NTN1: variants seen among roughly 807,000 people sequenced by gnomAD.
The protein encoded by NTN1 is netrin-1.
NTN1 carries 11 observed loss-of-function variants against 54.2 expected under a neutral mutation model. That is an observed-to-expected ratio of 0.20 (90% CI 0.13 to 0.34). The LOEUF is 0.34. NTN1 is among the 10% of genes least tolerant of loss of function. The pLI is 1.00. For missense variants in NTN1, 740 were observed against 893.1 expected (o/e 0.83, Z 2.18); for synonymous variants, 371 against 382.0 (o/e 0.97, Z 0.33).
intron 4 of NTN1, among the ~76,000 whole-genome samples, chr17:9,182,322 C>T (rs945311013): frequency 6.6e-6 from 1 of 152,246 alleles, no homozygotes; most frequent in Non-Finnish European, 1.5e-5. Flanking sequence ...AAAACGATCA[C>T]ATGCTTTTAT....
chr17:9,183,450 T>A, intron 5 of NTN1: 1 of 395,082 alleles, frequency 2.5e-6, no homozygotes, highest in South Asian at 2.0e-5. Flanking sequence ...AATTTAGCAT[T>A]TCCTCCATGG....
chr17:9,025,616 T>C (rs2091867693), intron 2 of NTN1, among the ~76,000 whole-genome samples: 1 of 152,264 alleles, frequency 6.6e-6, no homozygotes, highest in African/African-American at 2.4e-5. Flanking sequence ...AGTTTCCTTT[T>C]TGAATAGATG....
Position 9,022,765 on chromosome 17 carries a change from A to G in NTN1, c.392A>G (p.Asn131Ser). ...QSENYLQFPHNVTLTLSLGKK... is the reference protein window; with the variant it reads ...QSENYLQFPHSVTLTLSLGKK... ...GAGAACTACCTGCAGTTCCCGCACA[A>G]CGTCACGCTCACACTGTCCCTCGGC... Residue 131 changes from asparagine (N) to serine (S), a missense_variant, in exon 2 of 7, where the codon AAC becomes AGC. Physicochemically the swap from Asn to Ser is conservative, Grantham distance 46 (BLOSUM62 1). Transcript: ENST00000173229. 6.2e-7 allele frequency: 1 copy of G among 1,610,156 alleles called. No homozygotes were observed.
chr17:9,114,164 A>T (rs4791335), intron 2 of NTN1, among the ~76,000 whole-genome samples: 31,364 of 75,936 alleles, frequency 0.41, 6,822 homozygotes, highest in East Asian at 0.7. Flanking sequence ...AAAAAAAAAA[A>T]AAATATATAT....
chr17:9,023,450 G>C, intron 2 of NTN1, 59 bp downstream of exon 2: 1 of 1,337,286 alleles, frequency 7.5e-7, no homozygotes, highest in Non-Finnish European at 9.5e-7. Flanking sequence ...GGAGCTGCTG[G>C]GCCTCGCAGC....
intron 2 of NTN1, among the ~76,000 whole-genome samples, chr17:9,086,693 G>T (rs1415422075): frequency 6.6e-6 from 1 of 152,012 alleles, no homozygotes; most frequent in Non-Finnish European, 1.5e-5. Flanking sequence ...TCATCATCAT[G>T]CTCACTGTCA....
At chr17:9,034,829 A>T (rs1276086578) in intron 2 of NTN1, among the ~76,000 whole-genome samples, 1 of 152,258 alleles carries the variant, frequency 6.6e-6, no homozygotes, top group East Asian at 1.9e-4. Flanking sequence ...ACACGCTTGT[A>T]TAACCAGCAC....
chr17:9,135,151 C>T lies in NTN1; in HGVS notation c.1019-27662C>T, dbSNP rs754146235. ...CCCTGATGCTCCCGGCCCATCCTCC[C>T]TTCTCTACCCCATTCCTTTGTCTTT... is the stretch of plus-strand genomic sequence containing the variant. On this transcript the variant is annotated intron_variant, in intron 2 of 6. Transcript: ENST00000173229. The surrounding 1 kb of genome is among the most constrained non-coding windows in gnomAD (Gnocchi z 4.4). 5.3e-5 allele frequency among the ~76,000 whole-genome samples: 8 copies of T among 152,314 alleles called. No individual in the cohort carries two copies. Among genetic ancestry groups the T allele is most frequent in the Non-Finnish European group, 1.2e-4 (8 of 68,020 alleles).
At chr17:9,056,953 C>A (rs2091981233) in intron 2 of NTN1, among the ~76,000 whole-genome samples, 1 of 152,150 alleles carries the variant, frequency 6.6e-6, no homozygotes, top group Non-Finnish European at 1.5e-5. Flanking sequence ...TGTGTGCCCC[C>A]CGTCTCGTCC....
In NTN1 at chr17:9,082,623, C is replaced by T. The variant is rs78024556; in HGVS notation, c.1018+59232C>T. Among the ~76,000 whole-genome samples the T allele has an allele frequency of 5.6e-3, 854 of 151,830 alleles. 7 individuals carry two copies. Among genetic ancestry groups the T allele is most frequent in the Non-Finnish European group, 7.1e-3 (483 of 67,984 alleles). On this transcript the variant is annotated intron_variant, in intron 2 of 6. Transcript: ENST00000173229. Reference sequence around the variant, plus strand: ...GCGCACACACACTGCCTGCTGCAGACGCCGGGCCGGGGGCTTCACAGAGAG... The same window carrying T: ...GCGCACACACACTGCCTGCTGCAGATGCCGGGCCGGGGGCTTCACAGAGAG...
At chr17:9,073,114 T>G (rs1388319036) in intron 2 of NTN1, among the ~76,000 whole-genome samples, 1 of 152,210 alleles carries the variant, frequency 6.6e-6, no homozygotes, top group Non-Finnish European at 1.5e-5. Flanking sequence ...GCCTGGCAGC[T>G]GTGATTCACT....
At chr17:9,235,736 TTCTTTTTTTTTTTC>T (rs1192844303) in intron 6 of NTN1, among the ~76,000 whole-genome samples, 1 of 25,378 alleles carries the variant, frequency 3.9e-5, no homozygotes, top group Non-Finnish European at 4.2e-4. Flanking sequence ...TTCTTCTTTC[TTCTTTTTTTTTTTC>T]TTTTTTTTTT....
intron 3 of NTN1, chr17:9,175,106 A>G (rs1393585382): frequency 6.6e-6 from 1 of 152,256 alleles, no homozygotes; most frequent in East Asian, 1.9e-4. Flanking sequence ...AAGCCTTAGT[A>G]TGTGCTTCAG....
At chr17:9,226,476 G>C (rs1417469218) in intron 6 of NTN1, among the ~76,000 whole-genome samples, 1 of 33,482 alleles carries the variant, frequency 3.0e-5, no homozygotes, top group Admixed American at 4.3e-4. Context: ...AGGCTGTCTC[G>C]TGGGGAGGCG....
chr17:9,171,714 A>G (rs1276881224), intron 3 of NTN1: 1 of 152,246 alleles, frequency 6.6e-6, no homozygotes, highest in Non-Finnish European at 1.5e-5. Flanking sequence ...AGGAAGAACC[A>G]AAGTCTGGAA....
rs748931841 is a variant in NTN1 at position 9,239,673 on chromosome 17, C to T, written c.1520C>T (p.Ala507Val). 39 of 1,612,444 alleles carry T rather than the reference C, an allele frequency of 2.4e-5. No individual in the cohort carries two copies. The Admixed American group carries it at 5.0e-4, about 21-fold the overall frequency. ...VQIHILKADK[A>V]GDWWKFTVNI... The stretch of plus-strand genomic sequence containing the variant: ...ATCCACATCCTGAAGGCGGACAAGG[C>T]GGGGGACTGGTGGAAGTTCACGGTG... Residue 507 changes from alanine (A) to valine (V), a missense_variant, in exon 7 of 7, where the codon GCG (alanine) becomes GTG (valine). By Grantham distance (64) the Ala-to-Val change is moderately conservative. Transcript: ENST00000173229. The surrounding 1 kb of genome is among the most constrained non-coding windows in gnomAD (Gnocchi z 5.2).
upstream of NTN1, among the ~76,000 whole-genome samples, chr17:9,020,294 G>A (rs527406316): frequency 3.9e-4 from 60 of 152,364 alleles, no homozygotes; most frequent in African/African-American, 1.4e-3. Context: ...AAATAAACGA[G>A]CAGAGATTCC....
chr17:9,226,680 G>A (rs1173218608), intron 6 of NTN1, among the ~76,000 whole-genome samples: 9 of 152,116 alleles, frequency 5.9e-5, no homozygotes, highest in Non-Finnish European at 1.3e-4. Flanking sequence ...GTTATTTCCA[G>A]AAGATAGGTT....
intron 2 of NTN1, among the ~76,000 whole-genome samples, chr17:9,032,208 G>A (rs1419295887): frequency 1.3e-5 from 2 of 152,154 alleles, no homozygotes; most frequent in African/African-American, 2.4e-5. Context: ...TACCACGAAA[G>A]GATTGGATTT....
Sources: gnomAD v4.1 joint callset for allele counts (sites outside exome capture counted in the v4.1 genomes callset) on GRCh38, gnomAD v4.1.1 for gene constraint, Gnocchi (gnomAD v3.1) non-coding constraint, MANE v1.5 for transcripts, NCBI Gene and HGNC (gene_info 2026-07-23, HGNC 2026-07-21) for gene names.